The following POLR1E variants were observed in gnomAD, a reference collection of about 807,000 sequenced individuals.
POLR1E encodes the protein DNA-directed RNA polymerase I subunit RPA49.
In POLR1E, 37 loss-of-function variants were observed where a neutral mutation model predicts 50.9. That is an observed-to-expected ratio of 0.73 (90% CI 0.56 to 0.96). The LOEUF (loss-of-function observed/expected upper bound fraction) is 0.96, where lower values mean the gene tolerates loss of function less well. POLR1E is among the 40% of genes least tolerant of loss of function. The probability of loss-of-function intolerance (pLI) is 0.00; values close to 1 mark genes in which losing one functional copy is unlikely to be tolerated. For missense variants in POLR1E, 426 were observed against 518.1 expected, an observed-to-expected ratio of 0.82 and a Z score of 1.73; for synonymous variants, 166 against 191.6, an observed-to-expected ratio of 0.87 and a Z score of 1.10.
intron 8 of POLR1E, among the ~76,000 whole-genome samples, chr9:37,496,447 C>T (rs2119011399): frequency 6.6e-6 from 1 of 152,032 alleles, no homozygotes. Flanking sequence ...TCTCCCTCCC[C>T]TTTCCCATTA....
Position 37,489,235 on chromosome 9 carries a change from C to CAAA in POLR1E, c.258-68_258-66dup, listed in dbSNP as rs533858952. ...CCTGGGTGACAGCAAGACTCTGTCT[C>CAAA]AAAAAAAAAAAAAAGAAAGCTGTAC... On this transcript the variant is annotated intron_variant, in intron 3 of 11. Transcript: ENST00000377798. 3.7e-3 allele frequency: 3,399 copies of CAAA among 922,704 alleles called. 12 individuals are homozygous for CAAA. Among genetic ancestry groups the CAAA allele is most frequent in the African/African-American group, 0.023 (1,141 of 50,048 alleles). The allele number at this position is 922,704 out of a possible 1,614,324, so 57.2% of individuals were successfully genotyped here.
chr9:37,486,918 A>ACC, intron 2 of POLR1E, 112 bp downstream of exon 2: 1 of 1,259,084 alleles, frequency 7.9e-7, no homozygotes, highest in Non-Finnish European at 1.1e-6. Context: ...TAGCAAATGG[A>ACC]GCTTTGAAGA....
chr9:37,498,824 T>C (rs1320295610), intron 9 of POLR1E, among the ~76,000 whole-genome samples: 1 of 152,248 alleles, frequency 6.6e-6, no homozygotes, highest in Non-Finnish European at 1.5e-5. Context: ...GTTACTGTGA[T>C]TGGGCATCCA....
chr9:37,498,893 T>C (rs1272422282), intron 9 of POLR1E, among the ~76,000 whole-genome samples: 1 of 152,202 alleles, frequency 6.6e-6, no homozygotes, highest in Non-Finnish European at 1.5e-5. Context: ...GGGGATATGT[T>C]CTGAGAAATG....
intron 9 of POLR1E, 136 bp from the exon 10 acceptor site, chr9:37,500,704 T>C: frequency 3.1e-6 from 2 of 646,396 alleles, no homozygotes. Context: ...TTCTGCTTTG[T>C]GTGGGCCCTG....
chr9:37,494,255 G>A (rs1820745922), intron 6 of POLR1E, among the ~76,000 whole-genome samples: 1 of 152,068 alleles, frequency 6.6e-6, no homozygotes, highest in African/African-American at 2.4e-5. Flanking sequence ...TGTTGCCCAG[G>A]CTGATCTTGA....
intron 6 of POLR1E, among the ~76,000 whole-genome samples, chr9:37,494,064 C>T (rs941853762): frequency 2.0e-5 from 3 of 152,166 alleles, no homozygotes; most frequent in Admixed American, 6.5e-5. Flanking sequence ...TGGAAATGAG[C>T]CTCCAGAGGT....
rs560332566 is a variant in POLR1E at position 37,502,941 on chromosome 9, C to T, written c.1101-102C>T. ...CTGCTGGCAACCTTTGGGATTCTGT[C>T]TTTATGGCCTGGAGCATGAATGTGC... On this transcript the variant is annotated intron_variant, in intron 11 of 11. Transcript: ENST00000377798. 1.4e-5 allele frequency: 18 copies of T among 1,267,100 alleles called. No homozygotes were observed. In the African/African-American group the frequency reaches 2.7e-4, roughly 19 times the overall value. The allele number at this position is 1,267,100 out of a possible 1,614,324, so 78.5% of individuals were successfully genotyped here.
intron 7 of POLR1E, 22 bp downstream of exon 7, chr9:37,495,298 A>G (rs991302416): frequency 6.3e-7 from 1 of 1,577,786 alleles, no homozygotes; most frequent in Non-Finnish European, 8.7e-7. Flanking sequence ...GCAGTAGAAA[A>G]GCTGCCTTAT....
chr9:37,496,623 CTTTTTTTT>C (rs376455174), intron 8 of POLR1E, among the ~76,000 whole-genome samples: 26,861 of 112,680 alleles, frequency 0.24, 2,689 homozygotes, highest in East Asian at 0.31. Flanking sequence ...ATTATTATTT[CTTTTTTTT>C]TTTTTTTTTT....
Position 37,503,339 on chromosome 9 carries a change from A to G in POLR1E, c.*137A>G. 9.4e-7 allele frequency: 1 copy of G among 1,058,868 alleles called. No individual in the cohort carries two copies. The highest frequency in any genetic ancestry group is 1.3e-6 in the Non-Finnish European group (1 of 770,440). 65.6% of individuals were successfully genotyped at this position (1,058,868 alleles called of 1,614,324 possible). A position where few individuals can be genotyped will look rare whatever the true frequency, so the allele number is the denominator to read the frequency against. On this transcript the variant is annotated 3_prime_UTR_variant, in exon 12 of 12. Coordinates refer to ENST00000377798, the MANE Select transcript of POLR1E (RefSeq NM_022490.4). Reference sequence around the variant, plus strand: ...ACACCTGAAATCCCAGCACTTTGGGAGGCCGAGGCAGGAAGATCATTGAGC... The same window carrying G: ...ACACCTGAAATCCCAGCACTTTGGGGGGCCGAGGCAGGAAGATCATTGAGC...
intron 4 of POLR1E, among the ~76,000 whole-genome samples, chr9:37,490,019 A>G (rs929958079): frequency 6.9e-6 from 1 of 143,926 alleles, no homozygotes; most frequent in African/African-American, 2.5e-5. Flanking sequence ...CATAAAAGCA[A>G]TCTGAGCAAT....
At chr9:37,489,258 T>C (rs1034651352) in intron 3 of POLR1E, 57 bp from the exon 4 acceptor site, 35 of 1,364,694 alleles carry the variant, frequency 2.6e-5, no homozygotes, top group Middle Eastern at 1.8e-4. Context: ...AAGAAAGCTG[T>C]ACAAATAATG....
intron 3 of POLR1E, among the ~76,000 whole-genome samples, chr9:37,488,977 G>A (rs1450588770): frequency 6.6e-6 from 1 of 152,134 alleles, no homozygotes; most frequent in Non-Finnish European, 1.5e-5. Context: ...AGTGGCTCAC[G>A]CCTGTAATCC....
Position 37,503,458 on chromosome 9 carries a change from A to C in POLR1E, c.*256A>C. 3.3e-6 allele frequency: 1 copy of C among 299,840 alleles called. No individual in the cohort carries two copies. Among genetic ancestry groups the C allele is most frequent in the East Asian group, 6.0e-5 (1 of 16,776 alleles). The allele number at this position is 299,840 out of a possible 1,614,324, so 18.6% of individuals were successfully genotyped here. On this transcript the variant is annotated 3_prime_UTR_variant, in exon 12 of 12. Coordinates refer to ENST00000377798, the MANE Select transcript of POLR1E (RefSeq NM_022490.4). ...TCAGGCCTGGTGGTGTGCGCCTGTA[A>C]TCCCAGCTACTCGGGAGGCTGAGGC...
At chr9:37,490,429 T>C (rs1281777963) in intron 4 of POLR1E, 3 of 784,762 alleles carry the variant, frequency 3.8e-6, no homozygotes, top group Non-Finnish European at 7.0e-6. Flanking sequence ...TGTCACGCCA[T>C]GAATTCATAG....
chr9:37,487,510 A>C (rs888971829), intron 2 of POLR1E, among the ~76,000 whole-genome samples: 15 of 152,242 alleles, frequency 9.9e-5, no homozygotes, highest in South Asian at 2.1e-4. Context: ...GAGTATACAA[A>C]GAACAGGCCA....
At chr9:37,489,868 C>T (rs1012013235) in intron 4 of POLR1E, among the ~76,000 whole-genome samples, 1 of 152,232 alleles carries the variant, frequency 6.6e-6, no homozygotes, top group Non-Finnish European at 1.5e-5. Flanking sequence ...GCCACTGCGC[C>T]CGGCCTAGAG....
rs1455418626 is a variant in POLR1E at position 37,486,019 on chromosome 9, C to G, written c.-29C>G. The G allele has an allele frequency of 6.3e-7, 1 of 1,586,318 alleles. No homozygotes were observed. Among genetic ancestry groups the G allele is most frequent in the Non-Finnish European group, 8.6e-7 (1 of 1,168,352 alleles). On this transcript the variant is annotated 5_prime_UTR_variant, in exon 1 of 12. Transcript: ENST00000377798. ...GCGCTTGTGGCTGCTGCTGTCTTAA[C>G]TCCTGTGCTTGGCGGACAGACAGGC... is the stretch of plus-strand genomic sequence containing the variant.
Sources: gnomAD v4.1 joint callset for allele counts (sites outside exome capture counted in the v4.1 genomes callset) on GRCh38, gnomAD v4.1.1 for gene constraint, MANE v1.5 for transcripts, NCBI Gene and HGNC (gene_info 2026-07-23, HGNC 2026-07-21) for gene names.